The following MAPKAP1 variants were observed in gnomAD, a reference collection of about 807,000 sequenced individuals.
MAPKAP1 encodes target of rapamycin complex 2 subunit MAPKAP1.
In MAPKAP1, 20 loss-of-function variants were observed where a neutral mutation model predicts 65.7. The observed-to-expected ratio is 0.30, with a 90% confidence interval of 0.21 to 0.44. MAPKAP1 has a LOEUF of 0.44. Among genes scored for constraint, MAPKAP1 ranks in the 20% least tolerant of loss-of-function variants. MAPKAP1 has a pLI of 1.00. For synonymous variants in MAPKAP1, 222 were observed against 244.3 expected (o/e 0.91, Z 0.85); for missense variants, 423 against 648.0 (o/e 0.65, Z 3.77).
intron 4 of MAPKAP1, among the ~76,000 whole-genome samples, chr9:125,645,343 C>T (rs909558394): frequency 5.9e-5 from 9 of 152,182 alleles, no homozygotes; most frequent in South Asian, 4.1e-4. Flanking sequence ...ACCTGAGAAA[C>T]GAAGCTCAGT....
rs1283454927 is a variant in MAPKAP1, at chr9:125,459,428, G to A, written c.1345+8544C>T. On this transcript the variant is annotated intron_variant, in intron 10 of 11. Transcript: ENST00000265960. The stretch of plus-strand genomic sequence containing the variant: ...CAGACGGGGTGGCGGCCGGGCAGAG[G>A]CTGCAATCTCGGCACTTTGGGAGGC... Among the ~76,000 whole-genome samples the A allele has an allele frequency of 5.3e-5, 8 of 152,192 alleles. No homozygotes were observed. The East Asian group carries it at 1.5e-3, about 29-fold the overall frequency.
At chr9:125,567,657 T>C (rs986466505) in intron 5 of MAPKAP1, 6 of 152,334 alleles carry the variant, frequency 3.9e-5, no homozygotes, top group Middle Eastern at 3.4e-3. Flanking sequence ...CACTGTGGAC[T>C]TGCCCTGAAT....
chr9:125,635,777 C>T (rs1184274599), intron 4 of MAPKAP1, among the ~76,000 whole-genome samples: 1 of 152,126 alleles, frequency 6.6e-6, no homozygotes, highest in Non-Finnish European at 1.5e-5. Context: ...TAAGGTAAGT[C>T]TTTATACAGA....
intron 1 of MAPKAP1, among the ~76,000 whole-genome samples, chr9:125,702,740 T>A (rs1330652396): frequency 6.6e-6 from 1 of 151,034 alleles, no homozygotes; most frequent in Non-Finnish European, 1.5e-5. Context: ...TAGTCCCAGC[T>A]ACTCAGGAGG....
chr9:125,688,161 G>A (rs1050571476), intron 1 of MAPKAP1, among the ~76,000 whole-genome samples: 8 of 151,748 alleles, frequency 5.3e-5, no homozygotes, highest in East Asian at 1.9e-4. Flanking sequence ...TTTTTGAGAC[G>A]GAGTTTTGCT....
chr9:125,597,207 A>G (rs991977710), intron 4 of MAPKAP1, among the ~76,000 whole-genome samples: 3 of 148,212 alleles, frequency 2.0e-5, no homozygotes, highest in Non-Finnish European at 4.5e-5. Context: ...GGAGCTTGCA[A>G]TGAGCCGAGA....
intron 4 of MAPKAP1, among the ~76,000 whole-genome samples, chr9:125,619,030 G>A (rs893346702): frequency 6.6e-6 from 1 of 152,162 alleles, no homozygotes; most frequent in Non-Finnish European, 1.5e-5. Flanking sequence ...GTAGTCAGGA[G>A]GCTGAGGTGG....
intron 4 of MAPKAP1, among the ~76,000 whole-genome samples, chr9:125,637,879 T>G (rs1564595729): frequency 2.0e-5 from 3 of 152,164 alleles, no homozygotes; most frequent in African/African-American, 7.2e-5. Flanking sequence ...TTCAAACGAT[T>G]CTACTGCCTC....
intron 8 of MAPKAP1, among the ~76,000 whole-genome samples, chr9:125,503,713 T>C (rs935320955): frequency 5.3e-5 from 8 of 151,708 alleles, no homozygotes; most frequent in African/African-American, 1.9e-4. Flanking sequence ...TAATTTCTTT[T>C]TTCTTTCTTT....
chr9:125,599,226 G>C (rs1336167619), intron 4 of MAPKAP1, among the ~76,000 whole-genome samples: 1 of 152,064 alleles, frequency 6.6e-6, no homozygotes, highest in Non-Finnish European at 1.5e-5. Context: ...CATCCCCTTT[G>C]AAATATCAAC....
intron 1 of MAPKAP1, among the ~76,000 whole-genome samples, chr9:125,686,985 C>T (rs1342305258): frequency 6.6e-6 from 1 of 152,044 alleles, no homozygotes; most frequent in Non-Finnish European, 1.5e-5. Flanking sequence ...ACCACCACGC[C>T]CGGCTAATTT....
chr9:125,504,034 G>A (rs1467943462), intron 8 of MAPKAP1, among the ~76,000 whole-genome samples: 1 of 151,822 alleles, frequency 6.6e-6, no homozygotes, highest in Non-Finnish European at 1.5e-5. Flanking sequence ...ACCCTGCCCA[G>A]CCTCCTTAAG....
chr9:125,458,761 C>A (rs1352802954), intron 10 of MAPKAP1, among the ~76,000 whole-genome samples: 1 of 148,934 alleles, frequency 6.7e-6, no homozygotes, highest in African/African-American at 2.5e-5. Flanking sequence ...GGTGGCTGGG[C>A]AGAGGGGCTC....
chr9:125,673,570 A>C (rs1305462895), intron 1 of MAPKAP1, among the ~76,000 whole-genome samples: 3 of 152,012 alleles, frequency 2.0e-5, no homozygotes, highest in Admixed American at 6.6e-5. Flanking sequence ...CCTACTATAC[A>C]ATCAACTTCT....
intron 1 of MAPKAP1, among the ~76,000 whole-genome samples, chr9:125,698,263 AT>A (rs1835450032): frequency 3.6e-5 from 4 of 111,552 alleles, no homozygotes; most frequent in African/African-American, 1.4e-4. Context: ...TAATTTATAA[AT>A]ATATATAATA....
At chr9:125,480,912 C>T (rs1854286333) in intron 9 of MAPKAP1, among the ~76,000 whole-genome samples, 1 of 134,566 alleles carries the variant, frequency 7.4e-6, no homozygotes, top group Non-Finnish European at 1.5e-5. Context: ...GAGGAGGTTG[C>T]AGTGAGCCGA....
At position 125,707,072 on chromosome 9, in the gene MAPKAP1, C is replaced by A. The variant is rs962306878; in HGVS notation, c.-171G>T. 2 of 398,226 alleles carry A rather than the reference C, an allele frequency of 5.0e-6. No homozygotes were observed. Among genetic ancestry groups the A allele is most frequent in the Non-Finnish European group, 8.9e-6 (2 of 225,820 alleles). The allele number at this position is 398,226 out of a possible 1,614,324, so 24.7% of individuals were successfully genotyped here. ...CTCCCGGCCCCTGCCCCGAGCTCTG[C>A]ACTCTCGGGATCCACGGGGACCGGC... On this transcript the variant is annotated 5_prime_UTR_variant, in exon 1 of 12. Transcript: ENST00000265960.
Position 125,678,478 on chromosome 9 carries a change from G to A in MAPKAP1, c.-69-5835C>T, listed in dbSNP as rs533939099. ...AGGATGGCCTCGATCTCCTGACCTC[G>A]TGATCCGCCCGCCTTGGCATTCCAA... is the stretch of plus-strand genomic sequence containing the variant. On this transcript the variant is annotated intron_variant, in intron 1 of 11. Coordinates refer to ENST00000265960, the MANE Select transcript of MAPKAP1 (RefSeq NM_001006617.3). Among the ~76,000 whole-genome samples the A allele has an allele frequency of 5.9e-4, 90 of 152,178 alleles. 1 individual carries two copies. In the East Asian group the frequency reaches 0.015, roughly 25 times the overall value.
intron 5 of MAPKAP1, among the ~76,000 whole-genome samples, chr9:125,567,086 T>C (rs1404527028): frequency 6.6e-6 from 1 of 152,186 alleles, no homozygotes; most frequent in Non-Finnish European, 1.5e-5. Flanking sequence ...ACTCTCCATA[T>C]TGAGTTCAGC....
Sources: allele counts gnomAD v4.1 joint callset (sites outside exome capture counted in the v4.1 genomes callset), GRCh38; gene constraint gnomAD v4.1.1; transcripts MANE v1.5; gene names NCBI Gene and HGNC (gene_info 2026-07-23, HGNC 2026-07-21).